The following DOCK1 variants were observed in gnomAD, a reference collection of about 807,000 sequenced individuals.
DOCK1 encodes dedicator of cytokinesis 1.
A neutral mutation model predicts 262.7 loss-of-function variants in DOCK1; 138 were observed. The ratio of observed to expected loss-of-function variants is 0.53; its 90% confidence interval spans 0.46 to 0.61. DOCK1 has a LOEUF of 0.61. Among genes scored for constraint, DOCK1 ranks in the 20% least tolerant of loss-of-function variants. The pLI is 0.00. For synonymous variants in DOCK1, 866 were observed against 867.4 expected, an observed-to-expected ratio of 1.00 and a Z score of 0.03; for missense variants, 1,908 against 2,370.7, an observed-to-expected ratio of 0.80 and a Z score of 4.05.
intron 46 of DOCK1, among the ~76,000 whole-genome samples, chr10:127,422,248 C>T (rs1164630857): frequency 1.5e-5 from 2 of 136,120 alleles, no homozygotes; most frequent in Non-Finnish European, 3.1e-5. Flanking sequence ...CTCACTGCAA[C>T]CTCCACCTCC....
At chr10:127,304,968 T>C (rs1362932782) in intron 29 of DOCK1, among the ~76,000 whole-genome samples, 2 of 152,206 alleles carry the variant, frequency 1.3e-5, no homozygotes, top group Non-Finnish European at 2.9e-5. Context: ...TTTGCTTACC[T>C]TTTATGTAAG....
Position 127,380,111 on chromosome 10 carries a change from A to C in DOCK1, c.3705A>C (p.Glu1235Asp), listed in dbSNP as rs2065743596. ...TCTACAAAGAAATTGAAAGAGAAGA[A>C]ATGTATATAAGGTATGTATGCATCA... ...LNFYKEIERE[E>D]MYIRYLYKLC... Residue 1235 changes from glutamate (E) to aspartate (D), a missense_variant, in exon 36 of 52, where the codon GAA becomes GAC. By Grantham distance (45) the Glu-to-Asp change is conservative (BLOSUM62 2). Coordinates refer to ENST00000623213, the MANE Select transcript of DOCK1 (RefSeq NM_001290223.2). The C allele has an allele frequency of 3.3e-6, 5 of 1,517,772 alleles. No individual in the cohort carries two copies. Among genetic ancestry groups the C allele is most frequent in the Non-Finnish European group, 4.5e-6 (5 of 1,119,542 alleles). 94.0% of individuals were successfully genotyped at this position (1,517,772 alleles called of 1,614,324 possible).
intron 27 of DOCK1, among the ~76,000 whole-genome samples, chr10:127,238,134 A>G (rs752827541): frequency 4.6e-5 from 7 of 152,194 alleles, no homozygotes; most frequent in South Asian, 2.1e-4. Flanking sequence ...AAAATGAACA[A>G]TGATTCCCGA....
intron 33 of DOCK1, among the ~76,000 whole-genome samples, chr10:127,370,807 T>C (rs1045138996): frequency 2.0e-5 from 3 of 152,244 alleles, no homozygotes; most frequent in Non-Finnish European, 4.4e-5. Flanking sequence ...TGTTCTCTTG[T>C]TTCATGTTCT....
At chr10:127,156,470 G>A (rs2053056604) in intron 27 of DOCK1, among the ~76,000 whole-genome samples, 1 of 151,590 alleles carries the variant, frequency 6.6e-6, no homozygotes, top group South Asian at 2.1e-4. Flanking sequence ...GGACCTTGGA[G>A]TACTTCAGTA....
chr10:126,985,347 G>A lies in DOCK1; in HGVS notation c.228-2174G>A, dbSNP rs192908837. Reference sequence around the variant, plus strand: ...TCAGTCTTACCAGCAGCCCTATGAGGCAGGCATTATTGGGGTTACATATTC... The same window carrying A: ...TCAGTCTTACCAGCAGCCCTATGAGACAGGCATTATTGGGGTTACATATTC... On this transcript the variant is annotated intron_variant, in intron 4 of 51. Coordinates refer to ENST00000623213, the MANE Select transcript of DOCK1 (RefSeq NM_001290223.2). Among the ~76,000 whole-genome samples the A allele has an allele frequency of 1.8e-4, 27 of 152,254 alleles. No homozygotes were observed. The East Asian group carries it at 5.2e-3, about 29-fold the overall frequency.
At chr10:126,972,588 G>A (rs1422935719) in intron 2 of DOCK1, among the ~76,000 whole-genome samples, 1 of 152,058 alleles carries the variant, frequency 6.6e-6, no homozygotes, top group Non-Finnish European at 1.5e-5. Context: ...GGTGAGAGGG[G>A]AAATTGAAGA....
chr10:126,981,252 T>A (rs2038953655), intron 3 of DOCK1, among the ~76,000 whole-genome samples: 1 of 152,170 alleles, frequency 6.6e-6, no homozygotes, highest in African/African-American at 2.4e-5. Context: ...CCCAAACTCT[T>A]GATAAAGCTC....
intron 29 of DOCK1, among the ~76,000 whole-genome samples, chr10:127,337,736 T>C (rs749584796): frequency 2.0e-5 from 3 of 152,266 alleles, no homozygotes; most frequent in South Asian, 2.1e-4. Flanking sequence ...CAGTTTTCTT[T>C]AGTGACCAAA....
At chr10:127,427,183 G>A (rs559381647) in intron 47 of DOCK1, among the ~76,000 whole-genome samples, 1 of 152,312 alleles carries the variant, frequency 6.6e-6, no homozygotes, top group East Asian at 1.9e-4. Flanking sequence ...ATGCCTGCCG[G>A]CACTGAGGGG....
intron 36 of DOCK1, 58 bp from the exon 37 acceptor site, chr10:127,381,220 C>A: frequency 6.8e-7 from 1 of 1,474,536 alleles, no homozygotes; most frequent in Non-Finnish European, 9.3e-7. Flanking sequence ...CTCTTGCAAT[C>A]CTCAACACAA....
chr10:127,347,847 C>G (rs2063709359), intron 31 of DOCK1, among the ~76,000 whole-genome samples: 4 of 54,488 alleles, frequency 7.3e-5, no homozygotes, highest in African/African-American at 2.6e-4. Context: ...CCCTTCCCTT[C>G]CCTTCCCTTC....
intron 19 of DOCK1, among the ~76,000 whole-genome samples, chr10:127,039,207 C>T (rs1050537400): frequency 1.3e-5 from 2 of 152,126 alleles, no homozygotes; most frequent in Non-Finnish European, 2.9e-5. Flanking sequence ...TCCTGGTGTT[C>T]TCCCAATGGC....
At chr10:127,180,068 A>C (rs2055581616) in intron 27 of DOCK1, among the ~76,000 whole-genome samples, 1 of 152,214 alleles carries the variant, frequency 6.6e-6, no homozygotes. Flanking sequence ...TTTGAATCAC[A>C]TGCCCTAACC....
Position 127,017,035 on chromosome 10 carries a change from CCACACA to C in DOCK1, c.1202-1656_1202-1651del, listed in dbSNP as rs147295824. 5.3e-4 allele frequency among the ~76,000 whole-genome samples: 58 copies of C among 108,524 alleles called. 3 individuals are homozygous for C. Among genetic ancestry groups the C allele is most frequent in the Non-Finnish European group, 8.0e-4 (41 of 51,002 alleles). 71.2% of individuals were successfully genotyped at this position (108,524 alleles called of 152,430 possible). ...AAACACAGATATGCAGATACAGATACCACACACACACACACACACACACAGATGCAG... is the reference window on the plus strand; with the variant it reads ...AAACACAGATATGCAGATACAGATACCACACACACACACACACAGATGCAG... On this transcript the variant is annotated intron_variant, in intron 12 of 51. Transcript: ENST00000623213.
intron 43 of DOCK1, among the ~76,000 whole-genome samples, chr10:127,414,205 G>A (rs2068028290): frequency 6.6e-6 from 1 of 152,100 alleles, no homozygotes; most frequent in Non-Finnish European, 1.5e-5. Flanking sequence ...AGCCCCCCAC[G>A]CTTGTCCCAG....
intron 29 of DOCK1, among the ~76,000 whole-genome samples, chr10:127,287,177 G>T (rs916795175): frequency 2.0e-5 from 3 of 151,148 alleles, no homozygotes; most frequent in Admixed American, 2.0e-4. Context: ...AAAGTGCTGG[G>T]ATTACAGGCA....
intron 29 of DOCK1, among the ~76,000 whole-genome samples, chr10:127,336,791 G>A (rs1015020932): frequency 3.3e-5 from 5 of 152,154 alleles, no homozygotes; most frequent in South Asian, 4.2e-4. Context: ...CACCCACCTT[G>A]GCCTCCCAAA....
intron 29 of DOCK1, among the ~76,000 whole-genome samples, chr10:127,294,960 A>C (rs1442108397): frequency 3.3e-5 from 5 of 152,156 alleles, no homozygotes; most frequent in Non-Finnish European, 7.4e-5. Context: ...CTATTCTTAA[A>C]TAAGGATAGC....
Sources: allele counts gnomAD v4.1 joint callset (sites outside exome capture counted in the v4.1 genomes callset), GRCh38; gene constraint gnomAD v4.1.1; transcripts MANE v1.5; gene names NCBI Gene and HGNC (gene_info 2026-07-23, HGNC 2026-07-21).